Variants in MYO3A observed in about 807,000 individuals in gnomAD.
MYO3A encodes myosin-IIIa.
MYO3A carries 180 observed loss-of-function variants against 192.7 expected under a neutral mutation model. That is an observed-to-expected ratio of 0.93 (90% CI 0.83 to 1.06). The LOEUF (loss-of-function observed/expected upper bound fraction) is 1.06, where lower values mean the gene tolerates loss of function less well. Among genes scored for constraint, MYO3A ranks in the 50% least tolerant of loss-of-function variants. The pLI, the probability that MYO3A is intolerant of heterozygous loss-of-function variation, is 0.00. For missense variants in MYO3A, 1,896 were observed against 1,905.0 expected, an observed-to-expected ratio of 1.00 and a Z score of 0.09; for synonymous variants, 628 against 645.3, an observed-to-expected ratio of 0.97 and a Z score of 0.41.
At chr10:26,134,457 C>A (rs1418489355) in intron 20 of MYO3A, among the ~76,000 whole-genome samples, 2 of 147,400 alleles carry the variant, frequency 1.4e-5, no homozygotes, top group African/African-American at 2.5e-5. Flanking sequence ...CACGTTTTTA[C>A]AGGACAAGTA....
chr10:26,060,465 C>T (rs150254402), intron 10 of MYO3A, among the ~76,000 whole-genome samples: 15,228 of 151,888 alleles, frequency 0.1, 830 homozygotes, highest in Non-Finnish European at 0.12. Flanking sequence ...GAGACTCCAT[C>T]TCAAACAAAC....
intron 10 of MYO3A, among the ~76,000 whole-genome samples, chr10:26,031,880 A>G (rs1167296172): frequency 4.6e-5 from 7 of 152,182 alleles, no homozygotes; most frequent in Admixed American, 3.3e-4. Flanking sequence ...TTAAGCTATG[A>G]TTGTCATTCC....
chr10:26,188,335 G>A (rs1238789132), intron 31 of MYO3A, among the ~76,000 whole-genome samples: 1 of 151,968 alleles, frequency 6.6e-6, no homozygotes, highest in Non-Finnish European at 1.5e-5. Flanking sequence ...TTTTTGATGG[G>A]GTTGTTTGTT....
chr10:26,020,745 T>G (rs1842258221), intron 7 of MYO3A, among the ~76,000 whole-genome samples: 2 of 152,230 alleles, frequency 1.3e-5, no homozygotes, highest in South Asian at 4.1e-4. Flanking sequence ...ACTTACACAT[T>G]TAGAACTAAA....
intron 14 of MYO3A, among the ~76,000 whole-genome samples, chr10:26,076,002 G>T (rs1332100914): frequency 6.6e-6 from 1 of 150,950 alleles, no homozygotes; most frequent in Admixed American, 6.6e-5. Flanking sequence ...TTTTCTTCTG[G>T]GTGGATACCC....
chr10:26,115,265 G>A (rs1029213481), intron 17 of MYO3A, among the ~76,000 whole-genome samples: 2 of 152,138 alleles, frequency 1.3e-5, no homozygotes, highest in African/African-American at 2.4e-5. Context: ...AAGGAGACTG[G>A]TCAAGAAGAG....
intron 5 of MYO3A, among the ~76,000 whole-genome samples, chr10:25,996,870 G>A (rs2130902985): frequency 6.6e-6 from 1 of 152,108 alleles, no homozygotes; most frequent in East Asian, 1.9e-4. Context: ...AGGGTTTTTT[G>A]GCCATTATCT....
intron 10 of MYO3A, among the ~76,000 whole-genome samples, chr10:26,060,654 T>A (rs1020522130): frequency 1.3e-5 from 2 of 152,230 alleles, no homozygotes; most frequent in African/African-American, 4.8e-5. Context: ...TTTTAAAACT[T>A]ATTTAATACT....
intron 10 of MYO3A, among the ~76,000 whole-genome samples, chr10:26,033,829 T>C (rs2131167941): frequency 6.6e-6 from 1 of 152,302 alleles, no homozygotes; most frequent in South Asian, 2.1e-4. Context: ...CATGTGAAGA[T>C]AGAGTTATCA....
chr10:26,166,503 T>A (rs1841760186), intron 27 of MYO3A, among the ~76,000 whole-genome samples: 2 of 151,392 alleles, frequency 1.3e-5, no homozygotes, highest in South Asian at 4.1e-4. Context: ...ATCACACCAC[T>A]GCACTCCAGC....
intron 23 of MYO3A, 140 bp downstream of exon 23, chr10:26,147,699 C>A: frequency 7.9e-7 from 1 of 1,263,362 alleles, no homozygotes; most frequent in Non-Finnish European, 1.1e-6. Flanking sequence ...TTAATATCCT[C>A]TGCCCCAGAT....
chr10:26,193,370 GA>G, intron 32 of MYO3A, 59 bp downstream of exon 32: 3 of 1,365,150 alleles, frequency 2.2e-6, no homozygotes, highest in Non-Finnish European at 3.1e-6. Context: ...TGGCCAGTGT[GA>G]AAACTGTGGC....
chr10:26,193,176 A>C, intron 31 of MYO3A, 29 bp from the exon 32 acceptor site: 1 of 1,483,850 alleles, frequency 6.7e-7, no homozygotes, highest in Non-Finnish European at 9.4e-7. Flanking sequence ...TTGTAATTAA[A>C]TACTTGTTTA....
intron 4 of MYO3A, among the ~76,000 whole-genome samples, chr10:25,985,927 C>G (rs892801866): frequency 6.6e-6 from 1 of 152,100 alleles, no homozygotes; most frequent in Non-Finnish European, 1.5e-5. Flanking sequence ...AACTGCATAT[C>G]CCTGATGCAC....
chr10:26,088,906 G>T (rs527400263), intron 15 of MYO3A, among the ~76,000 whole-genome samples: 332 of 152,230 alleles, frequency 2.2e-3, no homozygotes, highest in African/African-American at 7.5e-3. Flanking sequence ...TCTTCATAAT[G>T]CTTTGATATT....
chr10:26,147,653 T>G, intron 23 of MYO3A, 94 bp downstream of exon 23: 1 of 1,566,386 alleles, frequency 6.4e-7, no homozygotes, highest in Admixed American at 1.7e-5. Context: ...TAATTTTTCA[T>G]GTGAGTTTGT....
At chr10:26,031,729 C>A (rs184486889) in intron 10 of MYO3A, among the ~76,000 whole-genome samples, 5 of 152,354 alleles carry the variant, frequency 3.3e-5, no homozygotes, top group African/African-American at 9.6e-5. Flanking sequence ...AAATTCTGGG[C>A]TCAAGTGATC....
intron 29 of MYO3A, 141 bp downstream of exon 29, chr10:26,170,680 C>A (rs1842007308): frequency 2.2e-6 from 2 of 890,890 alleles, no homozygotes; most frequent in Non-Finnish European, 3.4e-6. Context: ...CACCCAGAGG[C>A]TACTTTTGTG....
chr10:26,057,488 C>A (rs1184538287), intron 10 of MYO3A, among the ~76,000 whole-genome samples: 1 of 152,002 alleles, frequency 6.6e-6, no homozygotes, highest in Non-Finnish European at 1.5e-5. Context: ...AGGGAAGGAA[C>A]CTGAGTGAGT....
Sources: gnomAD v4.1 joint callset for allele counts (sites outside exome capture counted in the v4.1 genomes callset) on GRCh38, gnomAD v4.1.1 for gene constraint, MANE v1.5 for transcripts, NCBI Gene and HGNC (gene_info 2026-07-23, HGNC 2026-07-21) for gene names.